The following TEX11 variants were observed in gnomAD, a reference collection of about 807,000 sequenced individuals.
TEX11 encodes the protein testis-expressed protein 11.
In TEX11, 7 loss-of-function variants were observed where a neutral mutation model predicts 84.4. That is an observed-to-expected ratio of 0.08 (90% CI 0.05 to 0.16). TEX11 has a LOEUF of 0.16. Among genes scored for constraint, TEX11 ranks in the 10% least tolerant of loss-of-function variants. TEX11 has a pLI of 1.00. For missense variants in TEX11, 551 were observed against 660.5 expected (o/e 0.83, Z 1.82); for synonymous variants, 264 against 222.8 (o/e 1.18, Z -1.64).
intron 9 of TEX11, among the ~76,000 whole-genome samples, chrX:70,765,247 G>A (rs896307317): frequency 9.0e-6 from 1 of 110,982 alleles, no homozygotes; most frequent in Non-Finnish European, 1.9e-5. Flanking sequence ...TTAGCTGGGC[G>A]TGGTGGCACA....
chrX:70,854,743 A>T (rs1216628165), intron 5 of TEX11, among the ~76,000 whole-genome samples: 1 of 109,141 alleles, frequency 9.2e-6, no homozygotes, highest in Admixed American at 9.8e-5. Flanking sequence ...TCAAAAAAAA[A>T]AAAAAGCATA....
At chrX:70,601,891 T>C (rs1460895674) in intron 24 of TEX11, among the ~76,000 whole-genome samples, 1 of 110,168 alleles carries the variant, frequency 9.1e-6, no homozygotes, top group African/African-American at 3.3e-5. Context: ...GGCAGAAGAA[T>C]TTCTCTTAGT....
intron 24 of TEX11, among the ~76,000 whole-genome samples, chrX:70,603,885 G>T (rs927879631): frequency 3.5e-5 from 1 of 28,954 alleles, no homozygotes; most frequent in African/African-American, 1.2e-4. Context: ...ATCAAAAAGT[G>T]GGCGAAGGAC....
intron 2 of TEX11, among the ~76,000 whole-genome samples, chrX:70,885,697 G>A (rs1191970460): frequency 9.1e-6 from 1 of 110,272 alleles, no homozygotes; most frequent in Non-Finnish European, 1.9e-5. Flanking sequence ...TTCGAGACCA[G>A]CCTGAGCAAC....
chrX:70,907,246 G>GA lies in TEX11; in HGVS notation c.37+506dup, dbSNP rs202010532. 4.8e-3 allele frequency among the ~76,000 whole-genome samples: 509 copies of GA among 106,133 alleles called. 2 individuals are homozygous for GA. Among genetic ancestry groups the GA allele is most frequent in the African/African-American group, 0.011 (316 of 29,136 alleles). The allele number at this position is 106,133 out of a possible 115,157, so 92.2% of individuals were successfully genotyped here. A position where few individuals can be genotyped will look rare whatever the true frequency, so the allele number is the denominator to read the frequency against. On this transcript the variant is annotated intron_variant, in intron 2 of 29. Coordinates refer to ENST00000374333, the MANE Select transcript of TEX11 (RefSeq NM_031276.3). ...TTATTTTGCATGCCATAAAAATCCTGAAAAAAAAACAAGTTATGAATTGTG... is the reference window on the plus strand; with the variant it reads ...TTATTTTGCATGCCATAAAAATCCTGAAAAAAAAAACAAGTTATGAATTGTG...
At position 70,678,831 on chromosome X, in the gene TEX11, C is replaced by T. The variant is rs777126760; in HGVS notation, c.1215G>A (p.Leu405=). The T allele has an allele frequency of 3.7e-5, 44 of 1,203,596 alleles. No homozygotes were observed. In the South Asian group the frequency reaches 7.5e-4, roughly 21 times the overall value. The stretch of plus-strand genomic sequence containing the variant: ...CAAAACTACTGGCAGCTTGTCTCCA[C>T]AGAATGTTGTGTAACCAGTTCATTG... The part of the protein sequence containing the change: ...AESMNWLHNI[L]WRQAASSFEV... The change falls in exon 15 of 30, where the codon CTG becomes CTA. Residue 405 remains leucine, a synonymous_variant. Transcript: ENST00000374333.
downstream of TEX11, among the ~76,000 whole-genome samples, chrX:70,526,732 C>T (rs950737794): frequency 9.0e-6 from 1 of 111,234 alleles, no homozygotes; most frequent in African/African-American, 3.3e-5. Context: ...ATGTCACCCT[C>T]GTAACAATGA....
chrX:70,791,923 G>T (rs5936985), intron 9 of TEX11, among the ~76,000 whole-genome samples: 2 of 108,602 alleles, frequency 1.8e-5, no homozygotes, highest in South Asian at 8.1e-4. Flanking sequence ...GTCAGGAGTT[G>T]AAGACCAGCC....
intron 5 of TEX11, among the ~76,000 whole-genome samples, chrX:70,855,925 G>A (rs2091533952): frequency 9.0e-6 from 1 of 111,615 alleles, no homozygotes; most frequent in Non-Finnish European, 1.9e-5. Context: ...CCAAAACTGT[G>A]GGAAAATAAA....
chrX:70,817,888 T>C (rs750252332), intron 8 of TEX11, among the ~76,000 whole-genome samples: 77 of 111,781 alleles, frequency 6.9e-4, no homozygotes, highest in Admixed American at 1.2e-3. Context: ...TCAAAAGTAA[T>C]GGCAACACGT....
At chrX:70,747,228 A>T (rs2090774085) in intron 9 of TEX11, among the ~76,000 whole-genome samples, 1 of 112,212 alleles carries the variant, frequency 8.9e-6, no homozygotes, top group Admixed American at 9.5e-5. Flanking sequence ...GGATGAAAAA[A>T]TCTAACTGGC....
chrX:70,810,523 C>A (rs2091246226), intron 8 of TEX11, among the ~76,000 whole-genome samples: 1 of 111,310 alleles, frequency 9.0e-6, no homozygotes, highest in Non-Finnish European at 1.9e-5. Context: ...AACCATCATT[C>A]TCAGCAACCT....
intron 9 of TEX11, among the ~76,000 whole-genome samples, chrX:70,792,842 A>G (rs765623844): frequency 5.4e-5 from 6 of 111,185 alleles, no homozygotes; most frequent in Non-Finnish European, 9.4e-5. Context: ...ACGATGCATC[A>G]TCCTGATGGT....
At chrX:70,708,232 T>C (rs988671231) in intron 13 of TEX11, among the ~76,000 whole-genome samples, 3 of 110,814 alleles carry the variant, frequency 2.7e-5, no homozygotes, top group Admixed American at 9.6e-5. Flanking sequence ...AAAATGCAAA[T>C]CAAAACCACA....
intron 13 of TEX11, among the ~76,000 whole-genome samples, chrX:70,704,115 G>GTC (rs112493809): frequency 0.028 from 2,872 of 103,597 alleles, 74 homozygotes; most frequent in African/African-American, 0.08. Flanking sequence ...CTCTGTCTCT[G>GTC]TCTCTCTCTC....
chrX:70,860,851 A>T lies in TEX11; in HGVS notation c.324+6T>A. On this transcript the variant is annotated splice_donor_region_variant and intron_variant, in intron 5 of 29. Transcript: ENST00000374333. Reference sequence around the variant, plus strand: ...CATCTCCACTTTCTCCTAAATTAAGACTTACCATAATCAGTCGTTGAATAC... The same window carrying T: ...CATCTCCACTTTCTCCTAAATTAAGTCTTACCATAATCAGTCGTTGAATAC... 8.6e-7 allele frequency: 1 copy of T among 1,165,992 alleles called. No individual in the cohort carries two copies. Among genetic ancestry groups the T allele is most frequent in the Non-Finnish European group, 1.2e-6 (1 of 859,929 alleles).
intron 2 of TEX11, among the ~76,000 whole-genome samples, chrX:70,891,070 C>T (rs2091735430): frequency 8.9e-6 from 1 of 112,313 alleles, no homozygotes; most frequent in African/African-American, 3.2e-5. Context: ...GCCTCTGCTA[C>T]TGATACCCAG....
At chrX:70,753,721 A>G (rs2090846490) in intron 9 of TEX11, among the ~76,000 whole-genome samples, 2 of 109,981 alleles carry the variant, frequency 1.8e-5, no homozygotes, top group South Asian at 7.9e-4. Context: ...GGGGAAAAAT[A>G]AAGGGGACTG....
At chrX:70,563,058 G>A (rs749700487) in intron 25 of TEX11, among the ~76,000 whole-genome samples, 32 of 112,126 alleles carry the variant, frequency 2.9e-4, no homozygotes, top group Non-Finnish European at 3.6e-4. Flanking sequence ...TAAGCTCCTG[G>A]AAATGGTAGA....
Sources: gnomAD v4.1 joint callset for allele counts (sites outside exome capture counted in the v4.1 genomes callset) on GRCh38, gnomAD v4.1.1 for gene constraint, MANE v1.5 for transcripts, NCBI Gene and HGNC (gene_info 2026-07-23, HGNC 2026-07-21) for gene names.